The following PIKFYVE variants were observed in gnomAD, a reference collection of about 807,000 sequenced individuals.
The protein encoded by PIKFYVE is 1-phosphatidylinositol 3-phosphate 5-kinase.
In PIKFYVE, 122 loss-of-function variants were observed where a neutral mutation model predicts 257.9. The observed-to-expected ratio is 0.47, with a 90% CI of 0.41 to 0.55. The LOEUF (loss-of-function observed/expected upper bound fraction) is 0.55. PIKFYVE is among the 20% of genes least tolerant of loss of function. The pLI is 0.00. For synonymous variants in PIKFYVE, 892 were observed against 868.9 expected, an observed-to-expected ratio of 1.03 and a Z score of -0.47; for missense variants, 2,160 against 2,536.6, an observed-to-expected ratio of 0.85 and a Z score of 3.19.
intron 15 of PIKFYVE, among the ~76,000 whole-genome samples, chr2:208,316,264 C>G (rs933669239): frequency 4.6e-5 from 7 of 152,146 alleles, no homozygotes; most frequent in Non-Finnish European, 1.0e-4. Context: ...TTTTCTTAAT[C>G]CAGTCTATCA....
chr2:208,282,241 A>G (rs887089005), intron 5 of PIKFYVE, among the ~76,000 whole-genome samples: 2 of 152,258 alleles, frequency 1.3e-5, no homozygotes, highest in Non-Finnish European at 2.9e-5. Context: ...TACTGGAAAT[A>G]GAGTCATTAG....
At chr2:208,300,762 C>T (rs1693581530) in intron 8 of PIKFYVE, among the ~76,000 whole-genome samples, 175 bp from the exon 9 acceptor site, 1 of 152,188 alleles carries the variant, frequency 6.6e-6, no homozygotes, top group African/African-American at 2.4e-5. Context: ...ATTAGATGAG[C>T]AGAGTTCAAG....
At chr2:208,277,298 T>TA (rs1316673433) in intron 4 of PIKFYVE, among the ~76,000 whole-genome samples, 1 of 152,226 alleles carries the variant, frequency 6.6e-6, no homozygotes, top group African/African-American at 2.4e-5. Context: ...TCTATCCTTG[T>TA]ACCAGTACCC....
Position 208,328,239 on chromosome 2 carries a change from T to G in PIKFYVE, c.3678T>G (p.Ser1226=). The change falls in exon 21 of 42, where the codon TCT becomes TCG. Residue 1226 remains serine (S), a synonymous_variant. Transcript: ENST00000264380. ...TTTGTGTGCTCTTCAGCAGCTCTTC[T>G]GCCCAGTCCAGCAATGCTCCTAGTG... ...QRLCVLFSSS[S]AQSSNAPSAC... The G allele has an allele frequency of 6.2e-7, 1 of 1,613,954 alleles. No homozygotes were observed. The highest frequency in any genetic ancestry group is 8.5e-7 in the Non-Finnish European group (1 of 1,179,886).
intron 11 of PIKFYVE, 105 bp downstream of exon 11, chr2:208,304,423 G>T: frequency 7.0e-7 from 1 of 1,436,138 alleles, no homozygotes; most frequent in Non-Finnish European, 9.6e-7. Context: ...ATAATTTATG[G>T]CTCCAACTAA....
intron 16 of PIKFYVE, among the ~76,000 whole-genome samples, chr2:208,319,455 C>T (rs1176127429): frequency 6.6e-6 from 1 of 152,200 alleles, no homozygotes; most frequent in Non-Finnish European, 1.5e-5. Context: ...GTTGTGCCTT[C>T]TCAGAAAGTG....
chr2:208,268,514 G>C (rs1305595208), intron 1 of PIKFYVE, among the ~76,000 whole-genome samples: 2 of 143,400 alleles, frequency 1.4e-5, no homozygotes, highest in African/African-American at 2.6e-5. Flanking sequence ...GGCCTCAAGC[G>C]ATCCTCCCGT....
In PIKFYVE at chr2:208,315,348, T is replaced by A; in HGVS notation, c.1982T>A (p.Ile661Asn). 1 of 1,614,150 alleles carries A rather than the reference T, an allele frequency of 6.2e-7. No homozygotes were observed. Among genetic ancestry groups the A allele is most frequent in the East Asian group, 2.2e-5 (1 of 44,852 alleles). Residue 661 changes from isoleucine (I) to asparagine (N), a missense_variant, in exon 15 of 42, where the codon ATC (isoleucine) becomes AAC (asparagine). This residue lies in a region of PIKFYVE where 346 missense variants were observed against 365.6 expected (regional missense o/e 0.95). Coordinates refer to ENST00000264380, the MANE Select transcript of PIKFYVE (RefSeq NM_015040.4). ...DVKNQDDDMDIRQFVHIKKIP... is the reference protein window; with the variant it reads ...DVKNQDDDMDNRQFVHIKKIP... ...AAGAACCAGGATGATGACATGGATA[T>A]CCGTCAGTTTGTCCACATCAAAAAA...
chr2:208,305,453 A>G (rs954245846), intron 12 of PIKFYVE: 1 of 977,502 alleles, frequency 1.0e-6, no homozygotes, highest in African/African-American at 1.7e-5. Flanking sequence ...GATTGGGGGA[A>G]AATCATTCAC....
chr2:208,282,214 A>G (rs902802543), intron 5 of PIKFYVE, among the ~76,000 whole-genome samples: 9 of 152,216 alleles, frequency 5.9e-5, no homozygotes, highest in South Asian at 2.1e-4. Context: ...ACAATGGACT[A>G]TCAGTGTTCT....
chr2:208,281,933 G>A (rs1378028221), intron 5 of PIKFYVE, among the ~76,000 whole-genome samples: 1 of 152,152 alleles, frequency 6.6e-6, no homozygotes, highest in Admixed American at 6.5e-5. Context: ...CAGGAGATAA[G>A]GATTTCTTTC....
intron 32 of PIKFYVE, among the ~76,000 whole-genome samples, chr2:208,344,108 G>A (rs897930450): frequency 3.9e-5 from 6 of 151,956 alleles, no homozygotes; most frequent in East Asian, 1.9e-4. Context: ...GTGAGCCACC[G>A]CACCCAGCCT....
intron 41 of PIKFYVE, 79 bp from the exon 42 acceptor site, chr2:208,355,111 A>G: frequency 9.1e-7 from 1 of 1,095,574 alleles, no homozygotes; most frequent in Non-Finnish European, 1.4e-6. Context: ...GTTTATATGA[A>G]AGAACATGGT....
chr2:208,308,730 G>A (rs939013261), intron 12 of PIKFYVE, among the ~76,000 whole-genome samples: 1 of 139,988 alleles, frequency 7.1e-6, no homozygotes, highest in Non-Finnish European at 1.5e-5. Flanking sequence ...TTTTTGAGAC[G>A]AAATTTTGCT....
At position 208,325,635 on chromosome 2, in the gene PIKFYVE, G is replaced by C; in HGVS notation, c.2824G>C (p.Glu942Gln). ...LRIVFEKGEQENKNLPQAVAS... is the reference protein window; with the variant it reads ...LRIVFEKGEQQNKNLPQAVAS... ...GATTGTGTTTGAGAAGGGTGAGCAG[G>C]AAAATAAAAATCTTCCGCAGGCTGT... The change falls in exon 20 of 42, where the codon GAA becomes CAA. Residue 942 changes from glutamate to glutamine, a missense_variant. Physicochemically the swap from Glu to Gln is conservative, Grantham distance 29 (BLOSUM62 2). Transcript: ENST00000264380. The C allele has an allele frequency of 6.2e-7, 1 of 1,614,114 alleles. No individual in the cohort carries two copies. The highest frequency in any genetic ancestry group is 1.1e-5 in the South Asian group (1 of 91,086).
intron 23 of PIKFYVE, among the ~76,000 whole-genome samples, chr2:208,332,123 T>C (rs1224628573): frequency 6.6e-6 from 1 of 152,100 alleles, no homozygotes; most frequent in Admixed American, 6.5e-5. Flanking sequence ...ATATATAATA[T>C]CAAATTTCTA....
At chr2:208,302,627 C>G (rs1693835926) in intron 10 of PIKFYVE, 2 of 404,852 alleles carry the variant, frequency 4.9e-6, no homozygotes, top group Non-Finnish European at 9.2e-6. Flanking sequence ...TGTGGTAGTT[C>G]TTAAATTTGG....
chr2:208,320,295 G>T lies in PIKFYVE; in HGVS notation c.2126G>T (p.Cys709Phe). The T allele has an allele frequency of 6.2e-7, 1 of 1,612,166 alleles. No individual in the cohort carries two copies. Among genetic ancestry groups the T allele is most frequent in the Non-Finnish European group, 8.5e-7 (1 of 1,178,716 alleles). Reference protein sequence around the residue: ...IKNPKILLLKCSIEYLYREET... With the variant: ...IKNPKILLLKFSIEYLYREET... The stretch of plus-strand genomic sequence containing the variant: ...AACCCCAAAATTCTTCTGTTGAAGT[G>T]TTCCATTGAGTATCTCTACAGAGAA... The change falls in exon 17 of 42, where the codon TGT becomes TTT. Residue 709 changes from cysteine (C) to phenylalanine (F), a missense_variant. Coordinates refer to ENST00000264380, the MANE Select transcript of PIKFYVE (RefSeq NM_015040.4).
In PIKFYVE at chr2:208,336,157, A is replaced by G; in HGVS notation, c.4477A>G (p.Lys1493Glu). ...GTCGGTCTTTGAGTCACTCATTGCC[A>G]AGAAACAAAGTCTCTGTGAAGTGCT... ...LQSVFESLIA[K>E]KQSLCEVLQA... Residue 1493 changes from lysine (K) to glutamate (E), a missense_variant, in exon 27 of 42, where the codon AAG becomes GAG. This residue lies in a region of PIKFYVE where 699 missense variants were observed against 855.8 expected (regional missense o/e 0.82). Transcript: ENST00000264380. 2 of 1,614,112 alleles carry G rather than the reference A, an allele frequency of 1.2e-6. No homozygotes were observed. Among genetic ancestry groups the G allele is most frequent in the Admixed American group, 3.3e-5 (2 of 60,022 alleles).
Sources: gnomAD v4.1 joint callset for allele counts (sites outside exome capture counted in the v4.1 genomes callset) on GRCh38, gnomAD v4.1.1 for gene constraint, gnomAD v4.1.1 regional missense constraint, MANE v1.5 for transcripts, NCBI Gene and HGNC (gene_info 2026-07-23, HGNC 2026-07-21) for gene names.